The following PDE8A variants were observed in gnomAD, a reference collection of about 807,000 sequenced individuals.
The protein encoded by PDE8A is high affinity cAMP-specific and IBMX-insensitive 3',5'-cyclic phosphodiesterase 8A.
Under a neutral mutation model 105.0 loss-of-function variants are expected in PDE8A, and 59 were observed. The ratio of observed to expected loss-of-function variants is 0.56; its 90% CI spans 0.46 to 0.70. PDE8A has a LOEUF of 0.70. PDE8A is among the 30% of genes least tolerant of loss of function. The pLI, the probability that PDE8A is intolerant of heterozygous loss-of-function variation, is 0.00. For missense variants in PDE8A, 1,014 were observed against 1,045.9 expected (o/e 0.97, Z 0.42); for synonymous variants, 355 against 371.9 (o/e 0.95, Z 0.52).
intron 8 of PDE8A, among the ~76,000 whole-genome samples, chr15:85,092,236 G>A (rs1338924554): frequency 6.6e-6 from 1 of 152,108 alleles, no homozygotes; most frequent in African/African-American, 2.4e-5. Context: ...GCCAGCTGCA[G>A]GGGCCCAGTG....
At chr15:85,108,920 C>G in intron 11 of PDE8A, 133 bp from the exon 12 acceptor site, 1 of 614,410 alleles carries the variant, frequency 1.6e-6, no homozygotes, top group South Asian at 2.2e-5. Context: ...GTCTTCATCT[C>G]TGTACTGTGT....
At chr15:85,050,300 CA>C (rs2080952905) in intron 1 of PDE8A, among the ~76,000 whole-genome samples, 1 of 152,068 alleles carries the variant, frequency 6.6e-6, no homozygotes, top group African/African-American at 2.4e-5. Flanking sequence ...TTTTTATGCA[CA>C]AAATTTTAAA....
chr15:85,119,104 A>T (rs915821342), intron 17 of PDE8A, among the ~76,000 whole-genome samples: 4 of 152,144 alleles, frequency 2.6e-5, no homozygotes, highest in African/African-American at 4.8e-5. Context: ...AAAGAACCCA[A>T]TTTTTGCTGT....
chr15:85,085,176 C>G (rs1043201813), intron 6 of PDE8A, among the ~76,000 whole-genome samples: 5 of 152,214 alleles, frequency 3.3e-5, no homozygotes, highest in African/African-American at 1.2e-4. Context: ...CTGTACACTG[C>G]TTACCTCTCT....
intron 20 of PDE8A, among the ~76,000 whole-genome samples, chr15:85,131,901 CATAT>C (rs1229235989): frequency 6.6e-6 from 1 of 152,296 alleles, no homozygotes; most frequent in South Asian, 2.1e-4. Flanking sequence ...TTTAGCACTT[CATAT>C]ATATAATTTC....
At chr15:85,115,540 A>G in intron 15 of PDE8A, 53 bp downstream of exon 15, 1 of 862,628 alleles carries the variant, frequency 1.2e-6, no homozygotes, top group Non-Finnish European at 1.8e-6. Context: ...ACTGCAGTCT[A>G]GCTTAAGTGA....
intron 3 of PDE8A, among the ~76,000 whole-genome samples, chr15:85,069,713 C>G (rs1322107790): frequency 6.6e-6 from 1 of 152,206 alleles, no homozygotes; most frequent in Non-Finnish European, 1.5e-5. Context: ...CTCCACTGTG[C>G]TAGCCAGAGA....
Position 85,097,999 on chromosome 15 carries a change from C to A in PDE8A, c.904C>A (p.Gln302Lys), listed in dbSNP as rs752525964. Reference protein sequence around the residue: ...AKKKNGDNIQQNVKIIPVIGQ... With the variant: ...AKKKNGDNIQKNVKIIPVIGQ... ...AAAGAAAAACGGAGATAATATACAACAAAATGTGAAGATAATACCTGTCAT... is the reference window on the plus strand; with the variant it reads ...AAAGAAAAACGGAGATAATATACAAAAAAATGTGAAGATAATACCTGTCAT... Residue 302 changes from glutamine to lysine, a missense_variant, in exon 9 of 22, where the codon CAA (glutamine) becomes AAA (lysine). Transcript: ENST00000394553. The A allele has an allele frequency of 6.2e-7, 1 of 1,603,790 alleles. No homozygotes were observed. The highest frequency in any genetic ancestry group is 1.7e-5 in the Admixed American group (1 of 59,878).
rs559141711 is a variant in PDE8A at position 85,076,104 on chromosome 15, G to A, written c.491+186G>A. ...TCCTGGAAGGACTTTGTGCTCTCAT[G>A]CTAGATTTTTGTGATTTTTAAACTG... On this transcript the variant is annotated intron_variant, in intron 4 of 21. Coordinates refer to ENST00000394553, the MANE Select transcript of PDE8A (RefSeq NM_002605.3). Among the ~76,000 whole-genome samples the A allele has an allele frequency of 2.6e-5, 4 of 152,196 alleles. No individual in the cohort carries two copies. In the East Asian group the frequency reaches 7.7e-4, roughly 29 times the overall value.
In PDE8A at chr15:85,067,061, C is replaced by A; in HGVS notation, c.291C>A (p.Cys97Ter). 1 of 1,613,282 alleles carries A rather than the reference C, an allele frequency of 6.2e-7. No homozygotes were observed. The highest frequency in any genetic ancestry group is 8.5e-7 in the Non-Finnish European group (1 of 1,179,346). ...TKEDNQCNGF[C>*]RACEKAGFKC... ...AAGATAACCAATGTAATGGATTCTG[C>A]AGGGCATGTGAAAAAGCAGGGTTTA... The change falls in exon 3 of 22, where the codon TGC (cysteine) becomes TGA (stop). Residue 97 changes from cysteine to a stop codon, truncating the protein, a stop_gained. Coordinates refer to ENST00000394553, the MANE Select transcript of PDE8A (RefSeq NM_002605.3). LOFTEE classifies it high-confidence loss of function.
At chr15:85,051,739 G>A (rs2053277230) in intron 1 of PDE8A, among the ~76,000 whole-genome samples, 1 of 151,916 alleles carries the variant, frequency 6.6e-6, no homozygotes, top group African/African-American at 2.4e-5. Context: ...CTGTTAGTTT[G>A]CTGAGGATAA....
chr15:85,039,826 A>G (rs543797835), intron 1 of PDE8A, among the ~76,000 whole-genome samples: 3 of 152,366 alleles, frequency 2.0e-5, no homozygotes, highest in East Asian at 1.9e-4. Flanking sequence ...TGCTAAGTCA[A>G]ATAAGCCAGG....
chr15:85,035,176 G>C (rs1225698527), intron 1 of PDE8A, among the ~76,000 whole-genome samples: 2 of 147,076 alleles, frequency 1.4e-5, no homozygotes, highest in Middle Eastern at 3.6e-3. Flanking sequence ...GCAGGAGCAG[G>C]ACCTCACCTC....
At chr15:85,090,106 T>C (rs2081617041) in intron 7 of PDE8A, among the ~76,000 whole-genome samples, 1 of 152,176 alleles carries the variant, frequency 6.6e-6, no homozygotes, top group South Asian at 2.1e-4. Flanking sequence ...GGTGATGGTG[T>C]TGACTTTGAG....
chr15:85,136,477 C>T (rs2082412087), intron 20 of PDE8A, 57 bp from the exon 21 acceptor site: 6 of 1,570,056 alleles, frequency 3.8e-6, no homozygotes, highest in Non-Finnish European at 4.3e-6. Flanking sequence ...AGGGGCTGCC[C>T]CTAGGTGGAG....
At chr15:84,992,508 G>A (rs1034326933) in intron 1 of PDE8A, among the ~76,000 whole-genome samples, 2 of 152,084 alleles carry the variant, frequency 1.3e-5, no homozygotes, top group South Asian at 2.1e-4. Flanking sequence ...CATTTTCAGC[G>A]GGGTAGTCAA....
At chr15:84,995,317 CTT>C (rs35094035) in intron 1 of PDE8A, among the ~76,000 whole-genome samples, 140 of 145,564 alleles carry the variant, frequency 9.6e-4, no homozygotes, top group Non-Finnish European at 1.5e-3. Flanking sequence ...CAGTATGTAC[CTT>C]TTTTTTTTTT....
At chr15:85,021,180 T>C (rs1332484430) in intron 1 of PDE8A, among the ~76,000 whole-genome samples, 2 of 152,056 alleles carry the variant, frequency 1.3e-5, no homozygotes, top group African/African-American at 2.4e-5. Context: ...CTATGAAGAG[T>C]AGGCCCTCAC....
At chr15:85,130,979 A>G (rs780992503) in intron 20 of PDE8A, among the ~76,000 whole-genome samples, 2 of 151,756 alleles carry the variant, frequency 1.3e-5, no homozygotes, top group African/African-American at 2.4e-5. Flanking sequence ...CTGGTCTCTA[A>G]CTCCTGACCT....
Sources: gnomAD v4.1 joint callset for allele counts (sites outside exome capture counted in the v4.1 genomes callset) on GRCh38, gnomAD v4.1.1 for gene constraint, MANE v1.5 for transcripts, NCBI Gene and HGNC (gene_info 2026-07-23, HGNC 2026-07-21) for gene names.